RSRC1: variants seen among roughly 807,000 people sequenced by gnomAD.
RSRC1 encodes the protein serine/Arginine-related protein 53.
Under a neutral mutation model 49.1 loss-of-function variants are expected in RSRC1, and 39 were observed. The ratio of observed to expected loss-of-function variants is 0.79; its 90% CI spans 0.61 to 1.04. The LOEUF (loss-of-function observed/expected upper bound fraction) is 1.04, where lower values mean the gene tolerates loss of function less well. Among genes scored for constraint, RSRC1 ranks in the 50% least tolerant of loss-of-function variants. RSRC1 has a pLI of 0.00. For missense variants in RSRC1, 388 were observed against 402.4 expected (o/e 0.96, Z 0.31); for synonymous variants, 143 against 130.8 (o/e 1.09, Z -0.63).
chr3:158,207,340 A>G (rs535460509), intron 4 of RSRC1, among the ~76,000 whole-genome samples: 2 of 152,220 alleles, frequency 1.3e-5, no homozygotes, highest in African/African-American at 4.8e-5. Context: ...CTTCGTTCTT[A>G]CTTTCCCACC....
At chr3:158,363,246 G>A (rs551340433) in intron 6 of RSRC1, among the ~76,000 whole-genome samples, 1 of 151,272 alleles carries the variant, frequency 6.6e-6, no homozygotes, top group South Asian at 2.1e-4. Flanking sequence ...AGTGATTTCT[G>A]ACTCTCCAGC....
intron 7 of RSRC1, among the ~76,000 whole-genome samples, chr3:158,516,287 C>A (rs1038933425): frequency 4.3e-4 from 66 of 151,962 alleles, no homozygotes; most frequent in African/African-American, 1.5e-3. Context: ...TGTGGATGTC[C>A]TTTCTGTTTG....
At chr3:158,358,606 T>G (rs981209529) in intron 6 of RSRC1, among the ~76,000 whole-genome samples, 4 of 152,206 alleles carry the variant, frequency 2.6e-5, no homozygotes. Context: ...AGGTGAAATT[T>G]ACATAACATA....
chr3:158,462,592 G>T (rs1228801357), intron 7 of RSRC1, among the ~76,000 whole-genome samples: 1 of 151,738 alleles, frequency 6.6e-6, no homozygotes, highest in Non-Finnish European at 1.5e-5. Flanking sequence ...TTGTTTTTAT[G>T]AAAAAAATAA....
intron 5 of RSRC1, among the ~76,000 whole-genome samples, chr3:158,299,506 G>T (rs920374168): frequency 1.3e-5 from 2 of 151,172 alleles, no homozygotes; most frequent in Admixed American, 6.6e-5. Flanking sequence ...CTATTTTTTT[G>T]TGTGTTTTTA....
At chr3:158,511,619 G>A (rs1324306438) in intron 7 of RSRC1, among the ~76,000 whole-genome samples, 1 of 152,062 alleles carries the variant, frequency 6.6e-6, no homozygotes, top group African/African-American at 2.4e-5. Context: ...ATGATTTATA[G>A]TCCTTTGGCT....
At chr3:158,386,079 C>G (rs1416436068) in intron 6 of RSRC1, among the ~76,000 whole-genome samples, 3 of 151,574 alleles carry the variant, frequency 2.0e-5, no homozygotes, top group African/African-American at 7.3e-5. Context: ...CGTTTATGTC[C>G]CATTAGATTT....
At chr3:158,218,425 T>C (rs1722066628) in intron 4 of RSRC1, among the ~76,000 whole-genome samples, 1 of 151,696 alleles carries the variant, frequency 6.6e-6, no homozygotes, top group African/African-American at 2.4e-5. Context: ...TTTGATTTGG[T>C]AAATGAGATG....
At chr3:158,204,382 C>T (rs1721236963) in intron 4 of RSRC1, among the ~76,000 whole-genome samples, 1 of 152,114 alleles carries the variant, frequency 6.6e-6, no homozygotes, top group Non-Finnish European at 1.5e-5. Flanking sequence ...TTCACCTGAT[C>T]ATCCCACAAC....
intron 7 of RSRC1, among the ~76,000 whole-genome samples, chr3:158,484,234 G>A (rs1738731616): frequency 6.6e-6 from 1 of 152,004 alleles, no homozygotes; most frequent in Admixed American, 6.6e-5. Flanking sequence ...GAGAAATCAG[G>A]GCTACAAATG....
rs199744321 is a variant in RSRC1, at chr3:158,177,401, A to G, written c.321-25671A>G. On this transcript the variant is annotated intron_variant, in intron 3 of 9. Coordinates refer to ENST00000611884, the MANE Select transcript of RSRC1 (RefSeq NM_001271838.2). ...AGACTTGGAACCAACCCAAATGCCC[A>G]TCAGTGATAGACTGGATTAAGAAAA... 7.2e-5 allele frequency among the ~76,000 whole-genome samples: 11 copies of G among 152,342 alleles called. No homozygotes were observed. In the East Asian group the frequency reaches 1.9e-3, roughly 27 times the overall value.
At chr3:158,157,039 G>C (rs1717920027) in intron 3 of RSRC1, among the ~76,000 whole-genome samples, 1 of 152,164 alleles carries the variant, frequency 6.6e-6, no homozygotes, top group Non-Finnish European at 1.5e-5. Context: ...AAAGTAAAAA[G>C]AGATATGCCT....
At chr3:158,319,696 T>G (rs1728654123) in intron 5 of RSRC1, among the ~76,000 whole-genome samples, 1 of 152,218 alleles carries the variant, frequency 6.6e-6, no homozygotes, top group Admixed American at 6.5e-5. Flanking sequence ...ATAATTATTA[T>G]CAACAGTTCT....
At chr3:158,192,070 A>T (rs1470132580) in intron 3 of RSRC1, among the ~76,000 whole-genome samples, 1 of 151,794 alleles carries the variant, frequency 6.6e-6, no homozygotes, top group Non-Finnish European at 1.5e-5. Flanking sequence ...TTTTTTTCAC[A>T]CGTATTTTCT....
chr3:158,297,734 A>G (rs1180698073), intron 4 of RSRC1, among the ~76,000 whole-genome samples: 1 of 151,982 alleles, frequency 6.6e-6, no homozygotes, highest in African/African-American at 2.4e-5. Flanking sequence ...TTCTAATAGA[A>G]AAGCTAGTGT....
intron 5 of RSRC1, 128 bp from the exon 6 acceptor site, chr3:158,354,729 A>G (rs1731065323): frequency 6.2e-6 from 4 of 646,922 alleles, no homozygotes; most frequent in African/African-American, 1.9e-5. Context: ...GGATTTTAAT[A>G]TAAATTATGT....
chr3:158,402,111 T>C (rs1030311491), intron 6 of RSRC1, among the ~76,000 whole-genome samples: 2 of 151,872 alleles, frequency 1.3e-5, no homozygotes, highest in Non-Finnish European at 2.9e-5. Flanking sequence ...GCAGGTTTGT[T>C]TGGGTTAGCA....
chr3:158,172,904 C>A (rs970790180), intron 3 of RSRC1, among the ~76,000 whole-genome samples: 2 of 152,188 alleles, frequency 1.3e-5, no homozygotes, highest in Middle Eastern at 3.4e-3. Flanking sequence ...TTGTGCTAAT[C>A]ATTTGCTTAG....
At chr3:158,330,062 C>T (rs371890258) in intron 5 of RSRC1, among the ~76,000 whole-genome samples, 20 of 152,308 alleles carry the variant, frequency 1.3e-4, no homozygotes, top group African/African-American at 3.8e-4. Context: ...CCTGGTGTGC[C>T]GTTTGCTAAG....
Sources: gnomAD v4.1 joint callset for allele counts (sites outside exome capture counted in the v4.1 genomes callset) on GRCh38, gnomAD v4.1.1 for gene constraint, MANE v1.5 for transcripts, NCBI Gene and HGNC (gene_info 2026-07-23, HGNC 2026-07-21) for gene names.